Variants in DYTN observed in about 807,000 individuals in gnomAD.
The protein encoded by DYTN is dystrotelin.
A neutral mutation model predicts 69.6 loss-of-function variants in DYTN; 75 were observed. The ratio of observed to expected loss-of-function variants is 1.08; its 90% CI spans 0.89 to 1.31. The LOEUF (loss-of-function observed/expected upper bound fraction) is 1.31, where lower values mean the gene tolerates loss of function less well. Among genes scored for constraint, DYTN ranks in the 50% most tolerant of loss-of-function variants. The pLI is 0.00. For missense variants in DYTN, 726 were observed against 688.4 expected (o/e 1.05, Z -0.61); for synonymous variants, 252 against 249.1 (o/e 1.01, Z -0.11).
intron 9 of DYTN, among the ~76,000 whole-genome samples, chr2:206,681,856 G>T (rs2105894011): frequency 6.6e-6 from 1 of 152,242 alleles, no homozygotes; most frequent in East Asian, 1.9e-4. Context: ...TTATGTCTCT[G>T]CCAGGTTTTG....
At position 206,693,297 on chromosome 2, in the gene DYTN, A is replaced by G; in HGVS notation, c.858T>C (p.Leu286=). 1 of 1,612,980 alleles carries G rather than the reference A, an allele frequency of 6.2e-7. No individual in the cohort carries two copies. Among genetic ancestry groups the G allele is most frequent in the African/African-American group, 1.3e-5 (1 of 75,028 alleles). Residue 286 remains leucine (L), a synonymous_variant, in exon 9 of 12, where the codon CTT becomes CTC. Coordinates refer to ENST00000452335, the MANE Select transcript of DYTN (RefSeq NM_001093730.1). ...GGTTGTTTCTGAGGGTCCTGAAGAG[A>G]AGTTTTGTATTCTGCATTGCTGACA... is the stretch of plus-strand genomic sequence containing the variant. ...IQMSAMQNTK[L]LFRTLRNNLL...
intron 11 of DYTN, among the ~76,000 whole-genome samples, chr2:206,658,713 T>G (rs927760321): frequency 6.6e-5 from 10 of 152,222 alleles, no homozygotes; most frequent in Non-Finnish European, 1.2e-4. Context: ...GGGTTTTATT[T>G]TCCTGTTTGC....
intron 8 of DYTN, among the ~76,000 whole-genome samples, chr2:206,694,161 A>G (rs1365822151): frequency 6.6e-6 from 1 of 152,194 alleles, no homozygotes; most frequent in Non-Finnish European, 1.5e-5. Context: ...GAAAAAATAG[A>G]ATGCTTTTTT....
At chr2:206,665,180 A>T (rs1559305853) in intron 10 of DYTN, among the ~76,000 whole-genome samples, 1 of 152,232 alleles carries the variant, frequency 6.6e-6, no homozygotes, top group Non-Finnish European at 1.5e-5. Context: ...TGAAGTGGTT[A>T]CAAAAATTCA....
chr2:206,654,485 T>C (rs1699424416), intron 11 of DYTN, among the ~76,000 whole-genome samples: 2 of 152,230 alleles, frequency 1.3e-5, no homozygotes, highest in African/African-American at 4.8e-5. Flanking sequence ...CAATATATGA[T>C]ACAAATAACA....
intron 9 of DYTN, among the ~76,000 whole-genome samples, chr2:206,680,317 C>A (rs1699737013): frequency 1.3e-5 from 2 of 152,098 alleles, no homozygotes; most frequent in Admixed American, 6.5e-5. Flanking sequence ...CCCCATGATT[C>A]AATTACCTCC....
intron 9 of DYTN, among the ~76,000 whole-genome samples, chr2:206,685,143 C>CTCAT (rs1553574275): frequency 6.9e-6 from 1 of 145,708 alleles, no homozygotes; most frequent in Non-Finnish European, 1.5e-5. Context: ...AGTAGCATGG[C>CTCAT]TTATTTATTT....
intron 7 of DYTN, among the ~76,000 whole-genome samples, chr2:206,696,404 C>T (rs768820047): frequency 6.6e-6 from 1 of 152,004 alleles, no homozygotes; most frequent in Non-Finnish European, 1.5e-5. Flanking sequence ...ACCTTGAGAT[C>T]GCCCCTCAGC....
At chr2:206,689,132 T>C (rs2105896141) in intron 9 of DYTN, among the ~76,000 whole-genome samples, 1 of 152,358 alleles carries the variant, frequency 6.6e-6, no homozygotes, top group Non-Finnish European at 1.5e-5. Context: ...ATAAGAGTGA[T>C]GATATTTGGC....
At chr2:206,685,589 T>A (rs1699797067) in intron 9 of DYTN, among the ~76,000 whole-genome samples, 1 of 152,086 alleles carries the variant, frequency 6.6e-6, no homozygotes, top group Admixed American at 6.5e-5. Flanking sequence ...GAGGAAACAC[T>A]GGCTTCAGGT....
At chr2:206,684,768 GT>G (rs992352629) in intron 9 of DYTN, among the ~76,000 whole-genome samples, 13 of 151,666 alleles carry the variant, frequency 8.6e-5, no homozygotes, top group African/African-American at 2.7e-4. Context: ...TTCTTCTTGA[GT>G]TTTTTTTCTT....
At chr2:206,715,435 C>T (rs1474314071) in intron 1 of DYTN, among the ~76,000 whole-genome samples, 1 of 152,032 alleles carries the variant, frequency 6.6e-6, no homozygotes, top group East Asian at 1.9e-4. Context: ...ATATCAGGGC[C>T]AGTGTTGTCT....
intron 9 of DYTN, among the ~76,000 whole-genome samples, chr2:206,675,793 A>G (rs1699680430): frequency 6.6e-6 from 1 of 152,238 alleles, no homozygotes; most frequent in Non-Finnish European, 1.5e-5. Flanking sequence ...ACACTTCTCA[A>G]AAGAAGACAT....
intron 2 of DYTN, among the ~76,000 whole-genome samples, chr2:206,710,239 A>G (rs1401010551): frequency 1.3e-5 from 2 of 152,214 alleles, no homozygotes; most frequent in East Asian, 1.9e-4. Context: ...AAAGGAAACC[A>G]AAAACATTTT....
intron 1 of DYTN, among the ~76,000 whole-genome samples, chr2:206,711,709 G>C (rs7566632): frequency 3.4e-4 from 52 of 150,976 alleles, no homozygotes; most frequent in Non-Finnish European, 5.2e-4. Context: ...AACATTAGGT[G>C]TATCTCCCAA....
chr2:206,703,023 A>T (rs1436023638), intron 5 of DYTN, among the ~76,000 whole-genome samples: 1 of 152,138 alleles, frequency 6.6e-6, no homozygotes, highest in Non-Finnish European at 1.5e-5. Flanking sequence ...CTGTAATAGC[A>T]GTCAATGGGA....
At chr2:206,693,150 T>A (rs1303959514) in intron 9 of DYTN, 25 bp downstream of exon 9, 1 of 1,587,482 alleles carries the variant, frequency 6.3e-7, no homozygotes, top group Non-Finnish European at 8.6e-7. Context: ...CTCTGTGGGA[T>A]CAGCCAATCC....
chr2:206,687,648 T>C (rs1699826886), intron 9 of DYTN, among the ~76,000 whole-genome samples: 1 of 151,942 alleles, frequency 6.6e-6, no homozygotes, highest in Non-Finnish European at 1.5e-5. Context: ...TCTTTTTACA[T>C]TTAAATTTCA....
intron 11 of DYTN, among the ~76,000 whole-genome samples, chr2:206,655,609 A>C (rs1329816905): frequency 1.4e-5 from 2 of 143,450 alleles, no homozygotes; most frequent in Admixed American, 1.4e-4. Flanking sequence ...TTTTTTGTAG[A>C]GATAGGGTCT....
Sources: allele counts gnomAD v4.1 joint callset (sites outside exome capture counted in the v4.1 genomes callset), GRCh38; gene constraint gnomAD v4.1.1; transcripts MANE v1.5; gene names NCBI Gene and HGNC (gene_info 2026-07-23, HGNC 2026-07-21).